Variants in DLG2 observed in about 807,000 individuals in gnomAD.
The protein encoded by DLG2 is disks large homolog 2.
Under a neutral mutation model 132.5 loss-of-function variants are expected in DLG2, and 45 were observed. The ratio of observed to expected loss-of-function variants is 0.34; its 90% CI spans 0.27 to 0.44. The LOEUF (loss-of-function observed/expected upper bound fraction) is 0.44. Ranked by LOEUF, DLG2 falls within the 20% of genes least tolerant of loss-of-function variation. The probability of loss-of-function intolerance (pLI) is 1.00; values close to 1 mark genes in which losing one functional copy is unlikely to be tolerated. For missense variants in DLG2, 1,045 were observed against 1,196.9 expected (o/e 0.87, Z 1.87); for synonymous variants, 424 against 419.6 (o/e 1.01, Z -0.13).
chr11:84,856,266 TAAG>T, intron 6 of DLG2, among the ~76,000 whole-genome samples: 1 of 152,246 alleles, frequency 6.6e-6, no homozygotes, highest in East Asian at 1.9e-4. Context: ...TCATCAATGA[TAAG>T]GAGACTGAGG....
chr11:83,573,043 T>G (rs778628853), intron 19 of DLG2, among the ~76,000 whole-genome samples: 1 of 152,214 alleles, frequency 6.6e-6, no homozygotes, highest in Non-Finnish European at 1.5e-5. Flanking sequence ...TTTTATGATT[T>G]GAAAACAATA....
chr11:84,010,711 T>C (rs2094841710), intron 11 of DLG2, among the ~76,000 whole-genome samples: 1 of 152,114 alleles, frequency 6.6e-6, no homozygotes, highest in African/African-American at 2.4e-5. Flanking sequence ...TAAAAGGAAT[T>C]GTTTAGTTTT....
At chr11:85,371,181 C>G (rs534511892) in intron 3 of DLG2, among the ~76,000 whole-genome samples, 8 of 152,118 alleles carry the variant, frequency 5.3e-5, no homozygotes, top group African/African-American at 1.7e-4. Context: ...CAGGAACATG[C>G]CCAGGACTCA....
chr11:84,187,214 T>C (rs1320165944), intron 8 of DLG2, among the ~76,000 whole-genome samples: 1 of 151,696 alleles, frequency 6.6e-6, no homozygotes, highest in Non-Finnish European at 1.5e-5. Context: ...ATAGCATTAT[T>C]TCTTACTAAA....
intron 17 of DLG2, among the ~76,000 whole-genome samples, chr11:83,829,619 C>T (rs2053884937): frequency 6.6e-6 from 1 of 152,272 alleles, no homozygotes; most frequent in East Asian, 1.9e-4. Context: ...ATTAGTAATT[C>T]TTCTGTGCCA....
At chr11:83,684,492 G>A (rs774487923) in intron 18 of DLG2, 15 of 152,168 alleles carry the variant, frequency 9.9e-5, no homozygotes, top group Non-Finnish European at 1.6e-4. Flanking sequence ...AATACGCATG[G>A]ATGAGATGCC....
intron 3 of DLG2, among the ~76,000 whole-genome samples, chr11:85,405,913 G>A (rs534866702): frequency 1.4e-4 from 21 of 151,938 alleles, no homozygotes; most frequent in Admixed American, 5.9e-4. Flanking sequence ...ATGCTTTAAA[G>A]TTAGATTATC....
intron 6 of DLG2, among the ~76,000 whole-genome samples, chr11:84,723,144 T>C (rs1390560279): frequency 1.3e-5 from 2 of 152,168 alleles, no homozygotes; most frequent in South Asian, 2.1e-4. Flanking sequence ...ATTTCCCTTA[T>C]TCATTAGCCT....
intron 16 of DLG2, among the ~76,000 whole-genome samples, chr11:83,841,492 G>A (rs1273368636): frequency 6.6e-6 from 1 of 152,130 alleles, no homozygotes; most frequent in East Asian, 1.9e-4. Context: ...GCTGGGTTGG[G>A]TGCTTCACCT....
chr11:84,219,877 T>G (rs1407197087), intron 8 of DLG2, among the ~76,000 whole-genome samples: 2 of 152,242 alleles, frequency 1.3e-5, no homozygotes, highest in Non-Finnish European at 2.9e-5. Flanking sequence ...GTTATATACA[T>G]GTACTGTAAC....
chr11:84,617,666 G>A (rs2099606944), intron 6 of DLG2, among the ~76,000 whole-genome samples: 2 of 151,460 alleles, frequency 1.3e-5, no homozygotes, highest in Non-Finnish European at 2.9e-5. Context: ...TTTTTTTTAT[G>A]TTTTCATTCA....
chr11:84,336,612 C>T (rs1202432317), intron 7 of DLG2, among the ~76,000 whole-genome samples: 1 of 152,166 alleles, frequency 6.6e-6, no homozygotes, highest in African/African-American at 2.4e-5. Context: ...TCTTGGCTCT[C>T]ACAAGCTCTC....
chr11:84,783,653 C>G (rs542873070), intron 6 of DLG2, among the ~76,000 whole-genome samples: 1 of 152,132 alleles, frequency 6.6e-6, no homozygotes, highest in South Asian at 2.1e-4. Context: ...TTCACTGGAG[C>G]CTCTCAAAAG....
intron 6 of DLG2, among the ~76,000 whole-genome samples, chr11:84,588,560 T>C (rs978594129): frequency 1.3e-5 from 2 of 152,118 alleles, no homozygotes; most frequent in Non-Finnish European, 2.9e-5. Flanking sequence ...GTCAGAGGCA[T>C]TTGAACCAGA....
chr11:84,404,196 C>A (rs2098840589), intron 7 of DLG2, among the ~76,000 whole-genome samples: 1 of 152,096 alleles, frequency 6.6e-6, no homozygotes, highest in Admixed American at 6.5e-5. Flanking sequence ...CCGCTCTCAT[C>A]TAACATTCTC....
At chr11:84,152,894 T>C in intron 9 of DLG2, among the ~76,000 whole-genome samples, 1 of 152,224 alleles carries the variant, frequency 6.6e-6, no homozygotes, top group East Asian at 1.9e-4. Flanking sequence ...ACTGTCATCC[T>C]GTTGTTAGCT....
intron 15 of DLG2, among the ~76,000 whole-genome samples, chr11:83,929,433 C>T (rs140668175): frequency 2.6e-5 from 4 of 152,136 alleles, no homozygotes; most frequent in Admixed American, 2.0e-4. Context: ...TTGTGGAACG[C>T]TGAATTCTAT....
intron 5 of DLG2, among the ~76,000 whole-genome samples, chr11:85,146,809 A>C (rs1246767510): frequency 6.6e-6 from 1 of 152,144 alleles, no homozygotes; most frequent in Admixed American, 6.5e-5. Context: ...AGGACTGCAA[A>C]CCTTGTTACC....
intron 17 of DLG2, among the ~76,000 whole-genome samples, chr11:83,811,827 T>C (rs2047369592): frequency 6.6e-6 from 1 of 152,052 alleles, no homozygotes; most frequent in African/African-American, 2.4e-5. Context: ...GATATATTAC[T>C]GAGCAAAAGA....
Sources: gnomAD v4.1 joint callset for allele counts (sites outside exome capture counted in the v4.1 genomes callset) on GRCh38, gnomAD v4.1.1 for gene constraint, MANE v1.5 for transcripts, NCBI Gene and HGNC (gene_info 2026-07-23, HGNC 2026-07-21) for gene names.